GFRAL: variants seen among roughly 807,000 people sequenced by gnomAD.
The protein encoded by GFRAL is GDNF family receptor alpha like.
Under a neutral mutation model 45.4 loss-of-function variants are expected in GFRAL, and 36 were observed. The observed-to-expected ratio is 0.79, with a 90% CI of 0.61 to 1.05. The LOEUF is 1.05. Among genes scored for constraint, GFRAL ranks in the 50% least tolerant of loss-of-function variants. GFRAL has a pLI of 0.00. For missense variants in GFRAL, 507 were observed against 467.5 expected (o/e 1.08, Z -0.78); for synonymous variants, 166 against 154.1 (o/e 1.08, Z -0.57).
At chr6:55,349,877 G>C (rs1455290294) in intron 3 of GFRAL, among the ~76,000 whole-genome samples, 1 of 151,588 alleles carries the variant, frequency 6.6e-6, no homozygotes, top group Non-Finnish European at 1.5e-5. Context: ...GAGCAGGGCT[G>C]TATAGCTCAC....
At chr6:55,379,947 T>C (rs912963452) in intron 6 of GFRAL, among the ~76,000 whole-genome samples, 2 of 152,034 alleles carry the variant, frequency 1.3e-5, no homozygotes, top group East Asian at 1.9e-4. Context: ...CACAATGTTA[T>C]ACAGTTTCAT....
At chr6:55,385,557 G>A (rs1768668322) in intron 6 of GFRAL, among the ~76,000 whole-genome samples, 1 of 151,970 alleles carries the variant, frequency 6.6e-6, no homozygotes, top group Non-Finnish European at 1.5e-5. Context: ...ACTTGTCCAA[G>A]TCACAAAAAA....
intron 3 of GFRAL, among the ~76,000 whole-genome samples, chr6:55,349,770 T>G (rs1372334195): frequency 6.6e-6 from 1 of 151,660 alleles, no homozygotes; most frequent in Non-Finnish European, 1.5e-5. Context: ...TCTGTTTTTT[T>G]TTTTTTTTTC....
At chr6:55,389,784 A>T (rs1249231179) in intron 6 of GFRAL, among the ~76,000 whole-genome samples, 3 of 152,192 alleles carry the variant, frequency 2.0e-5, no homozygotes, top group African/African-American at 4.8e-5. Flanking sequence ...ATTTGTGTGT[A>T]TATGTAAAGT....
At position 55,351,426 on chromosome 6, in the gene GFRAL, A is replaced by G. The variant is rs764836576; in HGVS notation, c.544A>G (p.Ile182Val). The G allele has an allele frequency of 3.1e-6, 5 of 1,613,654 alleles. No homozygotes were observed. Among genetic ancestry groups the G allele is most frequent in the Non-Finnish European group, 4.2e-6 (5 of 1,179,762 alleles). The change falls in exon 5 of 9, where the codon ATT becomes GTT. Residue 182 changes from isoleucine (I) to valine (V), a missense_variant. Transcript: ENST00000340465. ...RFFYQNIPFN[I>V]AQMLAFCDCA... ...CTTCTATCAAAATATACCTTTTAACATTGCCCAGATGTTGGCTTTTTGTGA... is the reference window on the plus strand; with the variant it reads ...CTTCTATCAAAATATACCTTTTAACGTTGCCCAGATGTTGGCTTTTTGTGA...
At position 55,402,040 on chromosome 6, in the gene GFRAL, A is replaced by C; in HGVS notation, c.*187A>C. ...TGCCCAGGCTGCAGTACAATGGCTCAATCTCGGTTCACTGCAACCTCTGCC... is the reference window on the plus strand; with the variant it reads ...TGCCCAGGCTGCAGTACAATGGCTCCATCTCGGTTCACTGCAACCTCTGCC... On this transcript the variant is annotated 3_prime_UTR_variant, in exon 9 of 9. Transcript: ENST00000340465. The C allele has an allele frequency of 2.2e-6, 1 of 461,208 alleles. No homozygotes were observed. 28.6% of individuals were successfully genotyped at this position (461,208 alleles called of 1,614,324 possible).
rs1475572341 is a variant in GFRAL at position 55,364,308 on chromosome 6, G to A, written c.952+5170G>A. ...TTGTTTGTTTTTTTCTTGTAAATTT[G>A]TTTTAGTTCATTGTAGATTCTGGAT... On this transcript the variant is annotated intron_variant, in intron 6 of 8. Transcript: ENST00000340465. Among the ~76,000 whole-genome samples, 3 of 150,876 alleles carry A rather than the reference G, an allele frequency of 2.0e-5. No individual in the cohort carries two copies. The East Asian group carries it at 5.8e-4, about 29-fold the overall frequency.
At chr6:55,395,136 C>T (rs1170991417) in intron 6 of GFRAL, among the ~76,000 whole-genome samples, 2 of 142,362 alleles carry the variant, frequency 1.4e-5, no homozygotes, top group Non-Finnish European at 3.0e-5. Flanking sequence ...TCCTAACTCT[C>T]CCCTGTTGTT....
intron 6 of GFRAL, among the ~76,000 whole-genome samples, chr6:55,389,784 A>C (rs1249231179): frequency 6.6e-6 from 1 of 152,192 alleles, no homozygotes; most frequent in Admixed American, 6.5e-5. Flanking sequence ...ATTTGTGTGT[A>C]TATGTAAAGT....
At chr6:55,348,655 G>A (rs1768077808) in intron 3 of GFRAL, among the ~76,000 whole-genome samples, 1 of 152,016 alleles carries the variant, frequency 6.6e-6, no homozygotes, top group South Asian at 2.1e-4. Flanking sequence ...GAGACAGCTA[G>A]CTCCCTGAAG....
chr6:55,378,430 C>T (rs1768563523), intron 6 of GFRAL, among the ~76,000 whole-genome samples: 1 of 151,984 alleles, frequency 6.6e-6, no homozygotes, highest in African/African-American at 2.4e-5. Flanking sequence ...GTTTGCCATT[C>T]AGCATTGGTA....
intron 6 of GFRAL, among the ~76,000 whole-genome samples, chr6:55,388,694 T>C (rs896346130): frequency 6.6e-6 from 1 of 152,192 alleles, no homozygotes; most frequent in Admixed American, 6.5e-5. Context: ...AAAATGGAAA[T>C]ATTATTCCTT....
intron 3 of GFRAL, among the ~76,000 whole-genome samples, chr6:55,347,046 T>C (rs148907411): frequency 1.3e-5 from 2 of 152,160 alleles, no homozygotes; most frequent in Non-Finnish European, 2.9e-5. Flanking sequence ...AGTAAAATTT[T>C]ATAGGGTTGG....
chr6:55,376,070 G>A (rs1372967508), intron 6 of GFRAL, among the ~76,000 whole-genome samples: 1 of 152,012 alleles, frequency 6.6e-6, no homozygotes, highest in Non-Finnish European at 1.5e-5. Flanking sequence ...AACATGAAGC[G>A]ATGTTGCATT....
chr6:55,391,402 C>T (rs1768752313), intron 6 of GFRAL, among the ~76,000 whole-genome samples: 1 of 152,160 alleles, frequency 6.6e-6, no homozygotes, highest in Non-Finnish European at 1.5e-5. Context: ...ACTCTCTTCA[C>T]ATACTGTTTT....
intron 1 of GFRAL, among the ~76,000 whole-genome samples, chr6:55,328,161 T>C (rs774957290): frequency 1.3e-5 from 2 of 151,976 alleles, no homozygotes; most frequent in Non-Finnish European, 2.9e-5. Context: ...TCTCTTGTAT[T>C]GGATCCGATG....
chr6:55,395,175 A>AAAAATAT, intron 6 of GFRAL, among the ~76,000 whole-genome samples: 12 of 123,484 alleles, frequency 9.7e-5, no homozygotes, highest in African/African-American at 4.1e-4. Context: ...AAAAAAAAAA[A>AAAAATAT]ATATATATAT....
chr6:55,364,219 G>C (rs1768322061), intron 6 of GFRAL, among the ~76,000 whole-genome samples: 1 of 151,110 alleles, frequency 6.6e-6, no homozygotes, highest in Non-Finnish European at 1.5e-5. Context: ...TGTGTTTTTT[G>C]GCTGCATAAA....
At chr6:55,395,126 T>C (rs1768804392) in intron 6 of GFRAL, among the ~76,000 whole-genome samples, 1 of 147,546 alleles carries the variant, frequency 6.8e-6, no homozygotes, top group Admixed American at 6.8e-5. Context: ...TTTTATTTTT[T>C]CCTAACTCTC....
Sources: allele counts gnomAD v4.1 joint callset (sites outside exome capture counted in the v4.1 genomes callset), GRCh38; gene constraint gnomAD v4.1.1; transcripts MANE v1.5; gene names NCBI Gene and HGNC (gene_info 2026-07-23, HGNC 2026-07-21).